Variants in DNTT observed in about 807,000 individuals in gnomAD.
DNTT encodes the protein nucleosidetriphosphate:DNA deoxynucleotidylexotransferase.
A neutral mutation model predicts 60.9 loss-of-function variants in DNTT; 47 were observed. That is an observed-to-expected ratio of 0.77 (90% CI 0.61 to 0.98). The LOEUF is 0.98. Among genes scored for constraint, DNTT ranks in the 50% least tolerant of loss-of-function variants. DNTT has a pLI of 0.00. For synonymous variants in DNTT, 224 were observed against 221.2 expected (o/e 1.01, Z -0.11); for missense variants, 665 against 627.5 (o/e 1.06, Z -0.64).
chr10:96,334,515 G>A (rs1432534724), intron 9 of DNTT, among the ~76,000 whole-genome samples: 1 of 152,104 alleles, frequency 6.6e-6, no homozygotes, highest in Admixed American at 6.5e-5. Context: ...GAGTGAAATG[G>A]GTTCGTAGAG....
intron 4 of DNTT, among the ~76,000 whole-genome samples, chr10:96,322,053 T>C (rs1343771284): frequency 2.0e-5 from 3 of 151,938 alleles, no homozygotes; most frequent in South Asian, 2.1e-4. Flanking sequence ...TGACATGAAG[T>C]GGAGGTGGTT....
chr10:96,305,514 C>A (rs940890620), intron 1 of DNTT, among the ~76,000 whole-genome samples: 1 of 152,128 alleles, frequency 6.6e-6, no homozygotes, highest in African/African-American at 2.4e-5. Flanking sequence ...AGAACCTTGA[C>A]ATAAGTGATG....
chr10:96,318,978 T>C (rs1391971395), intron 2 of DNTT, among the ~76,000 whole-genome samples: 1 of 152,176 alleles, frequency 6.6e-6, no homozygotes, highest in Non-Finnish European at 1.5e-5. Context: ...ATTTGAGCAA[T>C]TGTGCTAAAA....
intron 9 of DNTT, among the ~76,000 whole-genome samples, chr10:96,333,747 G>A (rs1262128567): frequency 2.6e-5 from 4 of 152,188 alleles, no homozygotes; most frequent in Non-Finnish European, 5.9e-5. Context: ...TCTCGTTTCT[G>A]TATATGTAGA....
At chr10:96,316,730 C>T (rs1033950219) in intron 1 of DNTT, among the ~76,000 whole-genome samples, 6 of 152,182 alleles carry the variant, frequency 3.9e-5, no homozygotes, top group Non-Finnish European at 8.8e-5. Context: ...AACCAGCTGC[C>T]TCTCCCAGCT....
intron 1 of DNTT, among the ~76,000 whole-genome samples, chr10:96,317,881 G>T (rs1414850505): frequency 6.6e-6 from 1 of 152,194 alleles, no homozygotes. Context: ...CTTAAACCAT[G>T]TAAGCATAGC....
intron 8 of DNTT, among the ~76,000 whole-genome samples, chr10:96,330,170 C>T (rs1844989284): frequency 6.6e-6 from 1 of 152,150 alleles, no homozygotes; most frequent in Non-Finnish European, 1.5e-5. Flanking sequence ...TGCAGACAAC[C>T]TTCTGAATAT....
chr10:96,313,162 C>T (rs1844740486), intron 1 of DNTT, among the ~76,000 whole-genome samples: 5 of 152,198 alleles, frequency 3.3e-5, no homozygotes, highest in Admixed American at 3.3e-4. Context: ...AAAGCACTAA[C>T]AATCGGTCAT....
At chr10:96,332,325 C>T in intron 8 of DNTT, 26 bp from the exon 9 acceptor site, 1 of 1,606,842 alleles carries the variant, frequency 6.2e-7, no homozygotes, top group Non-Finnish European at 8.5e-7. Context: ...AGGGCCTTTT[C>T]CTGATGCCAT....
rs554084818 is a variant in DNTT at position 96,318,393 on chromosome 10, C to T, written c.245C>T (p.Ser82Leu). 72 of 1,613,366 alleles carry T rather than the reference C, an allele frequency of 4.5e-5. No individual in the cohort carries two copies. Among genetic ancestry groups the T allele is most frequent in the African/African-American group, 1.6e-4 (12 of 74,982 alleles). ...THIVAENNSG[S>L]DVLEWLQAQK... ...ATCGTAGCAGAGAACAACTCGGGTT[C>T]GGATGTTCTGGAGTGGCTTCAAGCA... Residue 82 changes from serine to leucine, a missense_variant, in exon 2 of 11, where the codon TCG (serine) becomes TTG (leucine). Physicochemically the swap from Ser to Leu is moderately radical, Grantham distance 145 (BLOSUM62 -2). Transcript: ENST00000371174.
At chr10:96,309,814 T>C (rs960433768) in intron 1 of DNTT, among the ~76,000 whole-genome samples, 3 of 152,240 alleles carry the variant, frequency 2.0e-5, no homozygotes, top group African/African-American at 7.2e-5. Context: ...GAGAATGTCC[T>C]GTTTATTCTA....
intron 9 of DNTT, 29 bp downstream of exon 9, chr10:96,332,625 T>A: frequency 6.2e-7 from 1 of 1,605,400 alleles, no homozygotes; most frequent in Non-Finnish European, 8.5e-7. Flanking sequence ...CATGGGATGA[T>A]GTTAGCTTTC....
chr10:96,319,979 C>G (rs1844846369), intron 3 of DNTT, among the ~76,000 whole-genome samples: 1 of 152,176 alleles, frequency 6.6e-6, no homozygotes, highest in African/African-American at 2.4e-5. Flanking sequence ...AGCCTAGAGT[C>G]AGTGGTTAGC....
intron 1 of DNTT, among the ~76,000 whole-genome samples, chr10:96,314,289 T>C (rs1844756889): frequency 6.6e-6 from 1 of 151,622 alleles, no homozygotes; most frequent in Non-Finnish European, 1.5e-5. Context: ...CACAAAGTCA[T>C]GGATGGCCAA....
At chr10:96,327,756 C>T (rs764171529) in intron 7 of DNTT, among the ~76,000 whole-genome samples, 156 bp downstream of exon 7, 1 of 152,222 alleles carries the variant, frequency 6.6e-6, no homozygotes, top group Non-Finnish European at 1.5e-5. Context: ...TCAGCAACCC[C>T]AAATGGCTTG....
chr10:96,304,750 A>C, intron 1 of DNTT, 50 bp downstream of exon 1: 1 of 1,579,514 alleles, frequency 6.3e-7, no homozygotes. Context: ...CTTTGTGAAC[A>C]GCTTCTTGGG....
chr10:96,338,061 G>GT, intron 10 of DNTT, 77 bp from the exon 11 acceptor site: 2 of 1,279,128 alleles, frequency 1.6e-6, no homozygotes, highest in Admixed American at 4.5e-5. Flanking sequence ...AATTTTATAA[G>GT]TAACACTTTC....
In DNTT at chr10:96,320,799, A is replaced by G; in HGVS notation, c.678+11A>G. 6.2e-7 allele frequency: 1 copy of G among 1,612,778 alleles called. No individual in the cohort carries two copies. ...AAGGGTATCATAGAGGTAAGGGTGAAATGGGATTTGTCCCACTTCCCAATA... is the reference window on the plus strand; with the variant it reads ...AAGGGTATCATAGAGGTAAGGGTGAGATGGGATTTGTCCCACTTCCCAATA... On this transcript the variant is annotated intron_variant, in intron 4 of 10. Coordinates refer to ENST00000371174, the MANE Select transcript of DNTT (RefSeq NM_004088.4).
At chr10:96,328,515 G>C (rs1844964911) in intron 7 of DNTT, among the ~76,000 whole-genome samples, 1 of 152,092 alleles carries the variant, frequency 6.6e-6, no homozygotes, top group African/African-American at 2.4e-5. Context: ...TACATAATCA[G>C]ATACATGCTA....
Sources: allele counts gnomAD v4.1 joint callset (sites outside exome capture counted in the v4.1 genomes callset), GRCh38; gene constraint gnomAD v4.1.1; transcripts MANE v1.5; gene names NCBI Gene and HGNC (gene_info 2026-07-23, HGNC 2026-07-21).